The following CACNA2D1 variants were observed in gnomAD, a reference collection of about 807,000 sequenced individuals.
CACNA2D1 encodes the protein voltage-dependent calcium channel subunit alpha-2/delta-1.
CACNA2D1 carries 53 observed loss-of-function variants against 171.5 expected under a neutral mutation model. The observed-to-expected ratio is 0.31, with a 90% CI of 0.25 to 0.39. The LOEUF is 0.39. Ranked by LOEUF, CACNA2D1 falls within the 10% of genes least tolerant of loss-of-function variation. The pLI is 1.00. For synonymous variants in CACNA2D1, 442 were observed against 443.1 expected (o/e 1.00, Z 0.03); for missense variants, 903 against 1,299.8 (o/e 0.69, Z 4.69).
At chr7:82,067,893 G>A (rs1368135313) in intron 7 of CACNA2D1, among the ~76,000 whole-genome samples, 1 of 152,074 alleles carries the variant, frequency 6.6e-6, no homozygotes, top group Non-Finnish European at 1.5e-5. Flanking sequence ...ATGCTATGCT[G>A]ATAATACATT....
At chr7:82,408,320 C>T (rs1031176196) in intron 1 of CACNA2D1, among the ~76,000 whole-genome samples, 1 of 152,066 alleles carries the variant, frequency 6.6e-6, no homozygotes, top group African/African-American at 2.4e-5. Flanking sequence ...CAGTGCCTGG[C>T]CTTTCCTTTT....
intron 12 of CACNA2D1, among the ~76,000 whole-genome samples, chr7:82,016,414 CAACA>C (rs1386776140): frequency 6.6e-6 from 1 of 151,942 alleles, no homozygotes; most frequent in African/African-American, 2.4e-5. Flanking sequence ...CCTGTTACCA[CAACA>C]ATCATCTAGT....
rs113682457 is a variant in CACNA2D1 at position 82,326,967 on chromosome 7, T to C, written c.294+8168A>G. ...TTCTATTAAGTTTGTGCAAAAGTAA[T>C]TGCAGTTTTCTACTCTTCGTATTGC... On this transcript the variant is annotated intron_variant, in intron 3 of 38. Transcript: ENST00000356860. 8.7e-3 allele frequency among the ~76,000 whole-genome samples: 1,329 copies of C among 152,350 alleles called. 28 individuals carry two copies. In the South Asian group the frequency reaches 0.095, roughly 11 times the overall value.
At chr7:82,179,773 G>A (rs1192220526) in intron 3 of CACNA2D1, among the ~76,000 whole-genome samples, 1 of 151,980 alleles carries the variant, frequency 6.6e-6, no homozygotes, top group African/African-American at 2.4e-5. Flanking sequence ...ATATCATTTT[G>A]TATTATAAGG....
intron 5 of CACNA2D1, among the ~76,000 whole-genome samples, chr7:82,135,408 C>T (rs951992156): frequency 1.3e-5 from 2 of 151,968 alleles, no homozygotes; most frequent in Admixed American, 6.6e-5. Context: ...CCTCCTACAT[C>T]ATTAAAATAA....
chr7:82,023,516 T>A (rs901776378), intron 12 of CACNA2D1, among the ~76,000 whole-genome samples: 1 of 151,768 alleles, frequency 6.6e-6, no homozygotes, highest in Admixed American at 6.6e-5. Flanking sequence ...GAAATATGAA[T>A]GTAAATGAAG....
chr7:82,290,584 A>G (rs1350854885), intron 3 of CACNA2D1, among the ~76,000 whole-genome samples: 1 of 151,386 alleles, frequency 6.6e-6, no homozygotes, highest in Non-Finnish European at 1.5e-5. Flanking sequence ...TATATTAAAA[A>G]AAAAAAAAAA....
At chr7:82,308,436 CA>C in intron 3 of CACNA2D1, among the ~76,000 whole-genome samples, 1 of 152,198 alleles carries the variant, frequency 6.6e-6, no homozygotes, top group South Asian at 2.1e-4. Context: ...AGAGCCCCAA[CA>C]GTCACAAGTA....
chr7:82,335,496 T>C (rs1226552070), intron 2 of CACNA2D1, among the ~76,000 whole-genome samples: 2 of 152,094 alleles, frequency 1.3e-5, no homozygotes, highest in African/African-American at 4.8e-5. Context: ...ACCACAGTGG[T>C]TTGTACATGC....
chr7:82,111,292 GTATA>G (rs113362103), intron 6 of CACNA2D1, among the ~76,000 whole-genome samples: 12,548 of 120,732 alleles, frequency 0.1, 1,329 homozygotes, highest in African/African-American at 0.28. Context: ...ATATGTCTGG[GTATA>G]TATATATATA....
At chr7:81,959,902 T>G in intron 36 of CACNA2D1, 73 bp from the exon 37 acceptor site, 1 of 1,544,250 alleles carries the variant, frequency 6.5e-7, no homozygotes, top group Non-Finnish European at 8.7e-7. Context: ...CAAAGATTCT[T>G]ACATATTAAA....
At chr7:82,071,759 T>A (rs780175962) in intron 7 of CACNA2D1, among the ~76,000 whole-genome samples, 7 of 152,204 alleles carry the variant, frequency 4.6e-5, no homozygotes, top group Non-Finnish European at 8.8e-5. Flanking sequence ...CCAGAAACTA[T>A]ACTTTTCAGT....
intron 18 of CACNA2D1, among the ~76,000 whole-genome samples, chr7:81,997,825 T>A (rs1798202136): frequency 6.6e-6 from 1 of 152,002 alleles, no homozygotes; most frequent in African/African-American, 2.4e-5. Flanking sequence ...TTTTAATAAT[T>A]CAAATGACAT....
At chr7:82,199,764 G>A (rs886478939) in intron 3 of CACNA2D1, among the ~76,000 whole-genome samples, 2 of 151,934 alleles carry the variant, frequency 1.3e-5, no homozygotes, top group African/African-American at 4.8e-5. Flanking sequence ...TCCATAAAAA[G>A]AGACATACAG....
At chr7:82,432,235 G>A (rs1043396558) in intron 1 of CACNA2D1, among the ~76,000 whole-genome samples, 1 of 152,090 alleles carries the variant, frequency 6.6e-6, no homozygotes, top group East Asian at 1.9e-4. Context: ...AAAGAGCAAA[G>A]TCACAAAAGG....
chr7:82,037,707 A>C (rs976643092), intron 11 of CACNA2D1, among the ~76,000 whole-genome samples: 5 of 152,182 alleles, frequency 3.3e-5, no homozygotes. Flanking sequence ...CTCAGTAACC[A>C]TTTGATGATT....
intron 6 of CACNA2D1, among the ~76,000 whole-genome samples, chr7:82,114,765 A>G (rs1447050910): frequency 6.6e-6 from 1 of 151,374 alleles, no homozygotes; most frequent in Non-Finnish European, 1.5e-5. Flanking sequence ...CAGAAGAAAA[A>G]AAAAAAAAAA....
chr7:82,183,550 T>C (rs894073905), intron 3 of CACNA2D1, among the ~76,000 whole-genome samples: 2 of 152,194 alleles, frequency 1.3e-5, no homozygotes, highest in African/African-American at 2.4e-5. Context: ...TTTTTAAAAT[T>C]TCTCTGAACT....
intron 3 of CACNA2D1, among the ~76,000 whole-genome samples, chr7:82,277,197 G>C (rs997093837): frequency 1.3e-5 from 2 of 151,856 alleles, no homozygotes; most frequent in African/African-American, 4.8e-5. Context: ...ATATTTAATT[G>C]CGTTTTGCCT....
Sources: allele counts gnomAD v4.1 joint callset (sites outside exome capture counted in the v4.1 genomes callset), GRCh38; gene constraint gnomAD v4.1.1; transcripts MANE v1.5; gene names NCBI Gene and HGNC (gene_info 2026-07-23, HGNC 2026-07-21).